MAGI2: variants seen among roughly 807,000 people sequenced by gnomAD.
MAGI2 encodes the protein membrane-associated guanylate kinase, WW and PDZ domain-containing protein 2.
Under a neutral mutation model 133.3 loss-of-function variants are expected in MAGI2, and 35 were observed. The observed-to-expected ratio is 0.26, with a 90% CI of 0.20 to 0.35. The LOEUF (loss-of-function observed/expected upper bound fraction) is 0.35. Among genes scored for constraint, MAGI2 ranks in the 10% least tolerant of loss-of-function variants. The pLI, the probability that MAGI2 is intolerant of heterozygous loss-of-function variation, is 1.00. For missense variants in MAGI2, 1,636 were observed against 1,863.4 expected (o/e 0.88, Z 2.25); for synonymous variants, 729 against 710.6 (o/e 1.03, Z -0.41).
At chr7:78,577,911 GAATTT>G (rs1444810719) in intron 3 of MAGI2, among the ~76,000 whole-genome samples, 3 of 151,366 alleles carry the variant, frequency 2.0e-5, no homozygotes, top group Non-Finnish European at 4.4e-5. Context: ...TTAATTAGAA[GAATTT>G]AATTAAAAAT....
intron 3 of MAGI2, chr7:78,619,076 T>C (rs1807434849): frequency 1.4e-5 from 2 of 146,952 alleles, no homozygotes; most frequent in Non-Finnish European, 1.5e-5. Flanking sequence ...AATATTGAAG[T>C]GCTAGAGATG....
In MAGI2 at chr7:79,113,360, T is replaced by C. The variant is rs559269281; in HGVS notation, c.302-106154A>G. Among the ~76,000 whole-genome samples, 39 of 152,338 alleles carry C rather than the reference T, an allele frequency of 2.6e-4. 1 individual carries two copies. In the South Asian group the frequency reaches 7.7e-3, roughly 30 times the overall value. On this transcript the variant is annotated intron_variant, in intron 1 of 21. Coordinates refer to ENST00000354212, the MANE Select transcript of MAGI2 (RefSeq NM_012301.4). ...GATTTAAATTTCACTTCTAGCACTA[T>C]TATTCATCATTTATTTGGTGCACTT... is the stretch of plus-strand genomic sequence containing the variant.
At chr7:78,231,392 GCAT>G (rs1308599176) in intron 10 of MAGI2, among the ~76,000 whole-genome samples, 1 of 152,228 alleles carries the variant, frequency 6.6e-6, no homozygotes, top group African/African-American at 2.4e-5. Flanking sequence ...GGGTGTTTTT[GCAT>G]TCCTGGCCCC....
At chr7:78,832,379 A>G (rs376226063) in intron 2 of MAGI2, among the ~76,000 whole-genome samples, 4 of 152,192 alleles carry the variant, frequency 2.6e-5, no homozygotes, top group African/African-American at 9.7e-5. Flanking sequence ...ATGAATACAT[A>G]AAATCCAATC....
At position 78,778,760 on chromosome 7, in the gene MAGI2, A is replaced by C. The variant is rs1043038125; in HGVS notation, c.419-151521T>G. Among the ~76,000 whole-genome samples, 6 of 152,186 alleles carry C rather than the reference A, an allele frequency of 3.9e-5. No homozygotes were observed. The East Asian group carries it at 9.6e-4, about 24-fold the overall frequency. Reference sequence around the variant, plus strand: ...TGGGCAAGATAACTTAATGGCCTTAAATCTTAATTTCCTCACCTGTAAAAT... The same window carrying C: ...TGGGCAAGATAACTTAATGGCCTTACATCTTAATTTCCTCACCTGTAAAAT... On this transcript the variant is annotated intron_variant, in intron 2 of 21. Transcript: ENST00000354212.
At chr7:78,153,643 G>C (rs143994544) in intron 16 of MAGI2, among the ~76,000 whole-genome samples, 543 of 152,232 alleles carry the variant, frequency 3.6e-3, no homozygotes, top group African/African-American at 0.012. Flanking sequence ...GTAATCAAAG[G>C]TAAAAGTAAT....
At chr7:79,077,208 A>G (rs573136154) in intron 1 of MAGI2, among the ~76,000 whole-genome samples, 3 of 152,196 alleles carry the variant, frequency 2.0e-5, no homozygotes, top group African/African-American at 7.2e-5. Context: ...CCTAGCCCCC[A>G]TCTGATTCTT....
intron 2 of MAGI2, among the ~76,000 whole-genome samples, chr7:78,717,309 G>A (rs1819816020): frequency 6.6e-6 from 1 of 151,752 alleles, no homozygotes; most frequent in South Asian, 2.1e-4. Context: ...AAGGTAAAAC[G>A]TTACAATTTT....
chr7:78,021,350 G>T (rs1808377672), intron 21 of MAGI2, among the ~76,000 whole-genome samples: 1 of 152,142 alleles, frequency 6.6e-6, no homozygotes, highest in South Asian at 2.1e-4. Flanking sequence ...TTGAATTCTG[G>T]GTGCCAGGTG....
intron 2 of MAGI2, among the ~76,000 whole-genome samples, chr7:78,868,298 A>G (rs955893049): frequency 6.6e-6 from 1 of 152,220 alleles, no homozygotes; most frequent in Non-Finnish European, 1.5e-5. Context: ...CTGAAGCTCA[A>G]AACAATTCTA....
intron 1 of MAGI2, among the ~76,000 whole-genome samples, chr7:79,367,234 A>G (rs1427204680): frequency 6.6e-6 from 1 of 152,272 alleles, no homozygotes; most frequent in Non-Finnish European, 1.5e-5. Flanking sequence ...AATGACTATG[A>G]ATATGTGGAA....
chr7:78,527,027 A>AAG (rs1797026924), intron 3 of MAGI2, among the ~76,000 whole-genome samples: 1 of 149,758 alleles, frequency 6.7e-6, no homozygotes, highest in African/African-American at 2.4e-5. Context: ...AAAAAAAAAA[A>AAG]AAAAAAAGAA....
intron 2 of MAGI2, among the ~76,000 whole-genome samples, chr7:78,816,896 A>G (rs1584008625): frequency 6.6e-6 from 1 of 152,332 alleles, no homozygotes; most frequent in African/African-American, 2.4e-5. Context: ...TGACTGTCAC[A>G]TTTTATTATT....
At chr7:78,343,405 G>C (rs1455711838) in intron 9 of MAGI2, among the ~76,000 whole-genome samples, 1 of 152,112 alleles carries the variant, frequency 6.6e-6, no homozygotes, top group African/African-American at 2.4e-5. Flanking sequence ...TATAGCATGA[G>C]AATATTATAA....
intron 1 of MAGI2, among the ~76,000 whole-genome samples, chr7:79,211,267 C>T (rs1407753658): frequency 2.6e-5 from 4 of 151,794 alleles, no homozygotes; most frequent in African/African-American, 9.7e-5. Flanking sequence ...AAAACGTACA[C>T]AAACCTTTCT....
At chr7:78,109,633 A>G (rs553745684) in intron 20 of MAGI2, among the ~76,000 whole-genome samples, 1 of 152,286 alleles carries the variant, frequency 6.6e-6, no homozygotes, top group East Asian at 1.9e-4. Flanking sequence ...CTCCGTCTCA[A>G]AACAAAACAA....
At chr7:78,655,943 T>G in intron 2 of MAGI2, among the ~76,000 whole-genome samples, 1 of 130,326 alleles carries the variant, frequency 7.7e-6, no homozygotes, top group Admixed American at 9.6e-5. Context: ...ATCGCGCCAC[T>G]GCACTCCAGC....
chr7:78,381,948 C>T (rs1015468212), intron 6 of MAGI2, among the ~76,000 whole-genome samples: 11 of 152,298 alleles, frequency 7.2e-5, no homozygotes, highest in Non-Finnish European at 1.0e-4. Flanking sequence ...TGAGAAATTT[C>T]TCTACAGTTT....
chr7:78,365,655 C>G (rs1000861319), intron 7 of MAGI2, among the ~76,000 whole-genome samples: 1 of 152,162 alleles, frequency 6.6e-6, no homozygotes, highest in African/African-American at 2.4e-5. Flanking sequence ...TTAACAATTT[C>G]CATGACATGA....
Sources: allele counts gnomAD v4.1 joint callset (sites outside exome capture counted in the v4.1 genomes callset), GRCh38; gene constraint gnomAD v4.1.1; transcripts MANE v1.5; gene names NCBI Gene and HGNC (gene_info 2026-07-23, HGNC 2026-07-21).